CNTN6: variants seen among roughly 807,000 people sequenced by gnomAD.
The protein encoded by CNTN6 is contactin-6.
CNTN6 carries 137 observed loss-of-function variants against 122.8 expected under a neutral mutation model. That is an observed-to-expected ratio of 1.12 (90% CI 0.97 to 1.29). The LOEUF is 1.29. CNTN6 is among the 50% of genes most tolerant of loss of function. The probability of loss-of-function intolerance (pLI) is 0.00; values close to 1 mark genes in which losing one functional copy is unlikely to be tolerated. For missense variants in CNTN6, 1,634 were observed against 1,223.4 expected, an observed-to-expected ratio of 1.34 and a Z score of -5.01; for synonymous variants, 570 against 426.0, an observed-to-expected ratio of 1.34 and a Z score of -4.16.
At chr3:1,251,524 T>C (rs1174102895) in intron 4 of CNTN6, among the ~76,000 whole-genome samples, 1 of 152,202 alleles carries the variant, frequency 6.6e-6, no homozygotes, top group Non-Finnish European at 1.5e-5. Context: ...CTTTCCCCCT[T>C]ATTTCATTCA....
rs1240724649 is a variant in CNTN6 at position 1,321,731 on chromosome 3, C to T, written c.843C>T (p.Ile281=). The T allele has an allele frequency of 6.2e-7, 1 of 1,611,866 alleles. No homozygotes were observed. The highest frequency in any genetic ancestry group is 1.7e-5 in the Admixed American group (1 of 59,784). ...TCAAGTACAGCAAATCCCAAGCTATCCTTGAAATCCCGAACTTCCAACAAG... is the reference window on the plus strand; with the variant it reads ...TCAAGTACAGCAAATCCCAAGCTATTCTTGAAATCCCGAACTTCCAACAAG... ...GKVKYSKSQA[I]LEIPNFQQED... Residue 281 remains isoleucine, a synonymous_variant, in exon 8 of 23, where the codon ATC becomes ATT. Coordinates refer to ENST00000446702, the MANE Select transcript of CNTN6 (RefSeq NM_001289080.2).
intron 5 of CNTN6, among the ~76,000 whole-genome samples, chr3:1,290,495 A>G: frequency 6.6e-6 from 1 of 152,204 alleles, no homozygotes; most frequent in East Asian, 1.9e-4. Context: ...TTGTAAAGAC[A>G]TTGAAAAGTA....
intron 12 of CNTN6, among the ~76,000 whole-genome samples, chr3:1,357,359 A>G (rs1706734061): frequency 6.6e-6 from 1 of 151,816 alleles, no homozygotes; most frequent in Admixed American, 6.6e-5. Flanking sequence ...GTGGAACTTG[A>G]CGACTTAGTT....
intron 2 of CNTN6, among the ~76,000 whole-genome samples, chr3:1,157,192 T>TTATTTA (rs1491571408): frequency 6.8e-6 from 1 of 146,972 alleles, no homozygotes; most frequent in Non-Finnish European, 1.5e-5. Context: ...AATTATACTC[T>TTATTTA]TTTATTTATT....
At chr3:1,232,321 A>T (rs1332917068) in intron 4 of CNTN6, among the ~76,000 whole-genome samples, 2 of 152,186 alleles carry the variant, frequency 1.3e-5, no homozygotes, top group Non-Finnish European at 2.9e-5. Context: ...TCATTTATTC[A>T]TCCTCCAAGC....
chr3:1,261,365 G>T (rs1017651053), intron 4 of CNTN6, among the ~76,000 whole-genome samples: 6 of 152,120 alleles, frequency 3.9e-5, no homozygotes, highest in African/African-American at 1.4e-4. Context: ...TTAATTGGTT[G>T]TCATTGTGGG....
chr3:1,189,444 T>G (rs1419680165), intron 2 of CNTN6, among the ~76,000 whole-genome samples: 1 of 152,230 alleles, frequency 6.6e-6, no homozygotes, highest in Non-Finnish European at 1.5e-5. Flanking sequence ...CTCTTTGGAA[T>G]TTGCAGAAGT....
chr3:1,277,325 TTCTG>T (rs1692549033), intron 4 of CNTN6, among the ~76,000 whole-genome samples: 2 of 150,860 alleles, frequency 1.3e-5, no homozygotes, highest in Non-Finnish European at 3.0e-5. Context: ...TGAATACTAC[TTCTG>T]TCTTTTAGTA....
chr3:1,383,260 C>T (rs770280743), intron 18 of CNTN6, 33 bp from the exon 19 acceptor site: 1 of 1,598,066 alleles, frequency 6.3e-7, no homozygotes, highest in Middle Eastern at 1.7e-4. Context: ...AACCACTCTG[C>T]TAAAGATGGT....
intron 17 of CNTN6, among the ~76,000 whole-genome samples, chr3:1,379,297 T>C (rs1223323397): frequency 6.6e-6 from 1 of 152,182 alleles, no homozygotes; most frequent in Non-Finnish European, 1.5e-5. Flanking sequence ...GATAAATAAA[T>C]CCACCCATAG....
chr3:1,325,981 A>G (rs1701489305), intron 9 of CNTN6, 30 bp downstream of exon 9: 1 of 1,590,302 alleles, frequency 6.3e-7, no homozygotes, highest in Admixed American at 1.8e-5. Flanking sequence ...TTAAAAGTTT[A>G]CCTACTCTAC....
intron 4 of CNTN6, among the ~76,000 whole-genome samples, chr3:1,278,048 G>A (rs1692735945): frequency 1.3e-5 from 2 of 152,194 alleles, no homozygotes; most frequent in South Asian, 4.1e-4. Flanking sequence ...AATCTAAGAT[G>A]TTGGAAGACT....
chr3:1,203,459 T>A (rs2093913493), intron 2 of CNTN6, among the ~76,000 whole-genome samples: 1 of 152,164 alleles, frequency 6.6e-6, no homozygotes, highest in Non-Finnish European at 1.5e-5. Context: ...GCATGGCACA[T>A]GGGGCAGGAG....
intron 7 of CNTN6, among the ~76,000 whole-genome samples, chr3:1,314,562 A>C (rs2125937785): frequency 6.6e-6 from 1 of 152,240 alleles, no homozygotes; most frequent in South Asian, 2.1e-4. Flanking sequence ...ATTGAGGCAC[A>C]GTGTGCTTCT....
intron 4 of CNTN6, among the ~76,000 whole-genome samples, chr3:1,268,743 T>C (rs928687990): frequency 1.5e-4 from 23 of 152,058 alleles, no homozygotes; most frequent in African/African-American, 5.1e-4. Flanking sequence ...GGCACAGAAG[T>C]AAGTCCTGAC....
At chr3:1,350,546 A>G (rs1468286742) in intron 11 of CNTN6, among the ~76,000 whole-genome samples, 1 of 151,904 alleles carries the variant, frequency 6.6e-6, no homozygotes, top group Non-Finnish European at 1.5e-5. Flanking sequence ...ATCAGCCTCA[A>G]TGATGGCAAT....
In CNTN6 at chr3:1,295,808, A is replaced by G. The variant is rs1696130666; in HGVS notation, c.658+4A>G. 2.5e-6 allele frequency: 4 copies of G among 1,610,856 alleles called. No homozygotes were observed. In the South Asian group the frequency reaches 4.4e-5, roughly 18 times the overall value. ...CCATTAGTGCAGCGCACTGATGGTA[A>G]GATAATGAGTTATCTTGGGAATGTA... On this transcript the variant is annotated splice_donor_region_variant and intron_variant, in intron 6 of 22. Coordinates refer to ENST00000446702, the MANE Select transcript of CNTN6 (RefSeq NM_001289080.2).
intron 16 of CNTN6, among the ~76,000 whole-genome samples, chr3:1,375,449 C>G (rs947285487): frequency 1.3e-5 from 2 of 152,044 alleles, no homozygotes; most frequent in Non-Finnish European, 1.5e-5. Context: ...ACAACTTGTT[C>G]TCAATATGGT....
chr3:1,210,284 A>G (rs764532422), intron 2 of CNTN6, among the ~76,000 whole-genome samples: 2 of 151,858 alleles, frequency 1.3e-5, no homozygotes, highest in Non-Finnish European at 2.9e-5. Flanking sequence ...TTCTCTAAGT[A>G]TTTTTTCTAT....
Sources: gnomAD v4.1 joint callset for allele counts (sites outside exome capture counted in the v4.1 genomes callset) on GRCh38, gnomAD v4.1.1 for gene constraint, MANE v1.5 for transcripts, NCBI Gene and HGNC (gene_info 2026-07-23, HGNC 2026-07-21) for gene names.